The following MYRIP variants were observed in gnomAD, a reference collection of about 807,000 sequenced individuals.
MYRIP encodes rab effector MyRIP.
A neutral mutation model predicts 98.0 loss-of-function variants in MYRIP; 49 were observed. That is an observed-to-expected ratio of 0.50 (90% CI 0.40 to 0.63). The LOEUF (loss-of-function observed/expected upper bound fraction) is 0.63. Ranked by LOEUF, MYRIP falls within the 30% of genes least tolerant of loss-of-function variation. The pLI is 0.00. For missense variants in MYRIP, 1,004 were observed against 1,058.2 expected, an observed-to-expected ratio of 0.95 and a Z score of 0.71; for synonymous variants, 404 against 409.5, an observed-to-expected ratio of 0.99 and a Z score of 0.16.
At position 39,855,189 on chromosome 3, in the gene MYRIP, G is replaced by A. The variant is rs75712368; in HGVS notation, c.-31+45273G>A. 3.1e-3 allele frequency among the ~76,000 whole-genome samples: 469 copies of A among 152,308 alleles called. 8 individuals are homozygous for A. In the East Asian group the frequency reaches 0.048, roughly 16 times the overall value. On this transcript the variant is annotated intron_variant, in intron 1 of 16. Coordinates refer to ENST00000302541, the MANE Select transcript of MYRIP (RefSeq NM_015460.4). ...CTGGTTAGCCAAGACGTTGCAGTTAGGGAAATTAGGTATTGTCTTCTTCCT... is the reference window on the plus strand; with the variant it reads ...CTGGTTAGCCAAGACGTTGCAGTTAAGGAAATTAGGTATTGTCTTCTTCCT...
chr3:40,033,282 C>T (rs1206090690), intron 2 of MYRIP, among the ~76,000 whole-genome samples: 1 of 150,700 alleles, frequency 6.6e-6, no homozygotes, highest in African/African-American at 2.4e-5. Flanking sequence ...GTCAAATTGT[C>T]CCTGTTTGCA....
chr3:39,965,049 T>C (rs550079523), intron 2 of MYRIP, among the ~76,000 whole-genome samples: 65 of 152,174 alleles, frequency 4.3e-4, no homozygotes, highest in African/African-American at 1.4e-3. Context: ...TAAGTAATAG[T>C]TTGATAAAGT....
At chr3:40,200,402 G>GA (rs1325072554) in intron 10 of MYRIP, among the ~76,000 whole-genome samples, 3 of 152,096 alleles carry the variant, frequency 2.0e-5, no homozygotes, top group Admixed American at 6.5e-5. Flanking sequence ...CTCTAGGGAG[G>GA]AAAAAAATGT....
rs143534748 is a variant in MYRIP at position 39,889,882 on chromosome 3, T to A, written c.-30-10905T>A. Among the ~76,000 whole-genome samples, 641 of 152,242 alleles carry A rather than the reference T, an allele frequency of 4.2e-3. 5 individuals carry two copies. The highest frequency in any genetic ancestry group is 0.015 in the African/African-American group (606 of 41,556). On this transcript the variant is annotated intron_variant, in intron 1 of 16. Coordinates refer to ENST00000302541, the MANE Select transcript of MYRIP (RefSeq NM_015460.4). ...TCTTTTATTACCTTTATGGTTTCAT[T>A]TTTTAGTCTTTGACACTATAACCAT...
At chr3:39,925,112 G>C (rs1366982405) in intron 2 of MYRIP, among the ~76,000 whole-genome samples, 1 of 151,324 alleles carries the variant, frequency 6.6e-6, no homozygotes, top group Non-Finnish European at 1.5e-5. Context: ...GATCAGAACT[G>C]AGATCATTTA....
intron 2 of MYRIP, among the ~76,000 whole-genome samples, chr3:39,925,779 C>T (rs1445470360): frequency 6.6e-6 from 1 of 152,072 alleles, no homozygotes; most frequent in African/African-American, 2.4e-5. Context: ...GTGAATAGTG[C>T]TGCAATGAAC....
chr3:40,149,088 A>G lies in MYRIP; in HGVS notation c.333-1960A>G, dbSNP rs376480779. Among the ~76,000 whole-genome samples, 33 of 152,320 alleles carry G rather than the reference A, an allele frequency of 2.2e-4. No individual in the cohort carries two copies. In the East Asian group the frequency reaches 2.3e-3, roughly 11 times the overall value. ...GTATTAGTCCATTTGTGTTGCTAGG[A>G]AGGAATACTTGGGGCAGGGTAATTT... On this transcript the variant is annotated intron_variant, in intron 3 of 16. Coordinates refer to ENST00000302541, the MANE Select transcript of MYRIP (RefSeq NM_015460.4).
chr3:39,817,241 C>G (rs182638454), intron 1 of MYRIP, among the ~76,000 whole-genome samples: 1 of 152,032 alleles, frequency 6.6e-6, no homozygotes, highest in Non-Finnish European at 1.5e-5. Flanking sequence ...TGGTAAGGAT[C>G]GAAAAAGAGA....
chr3:39,893,157 CTA>C (rs988817687), intron 1 of MYRIP, among the ~76,000 whole-genome samples: 1 of 152,100 alleles, frequency 6.6e-6, no homozygotes, highest in African/African-American at 2.4e-5. Flanking sequence ...TGAGGCTGAA[CTA>C]TATGTTTTTA....
At chr3:40,228,101 C>T (rs1470829944) in intron 11 of MYRIP, among the ~76,000 whole-genome samples, 1 of 152,140 alleles carries the variant, frequency 6.6e-6, no homozygotes, top group East Asian at 1.9e-4. Flanking sequence ...TATTCATGAA[C>T]AGCCCTCTTG....
At chr3:39,831,595 G>A (rs1251822366) in intron 1 of MYRIP, among the ~76,000 whole-genome samples, 1 of 151,590 alleles carries the variant, frequency 6.6e-6, no homozygotes, top group Non-Finnish European at 1.5e-5. Context: ...TTTCAATCAT[G>A]GCACATGTCA....
intron 2 of MYRIP, among the ~76,000 whole-genome samples, chr3:40,030,179 C>T (rs1247772600): frequency 1.3e-5 from 2 of 151,498 alleles, no homozygotes; most frequent in Non-Finnish European, 2.9e-5. Flanking sequence ...GGAAATGGGC[C>T]AAAAATTTGA....
intron 1 of MYRIP, among the ~76,000 whole-genome samples, chr3:39,871,230 C>G (rs1384652230): frequency 6.6e-6 from 1 of 152,158 alleles, no homozygotes; most frequent in African/African-American, 2.4e-5. Context: ...GAATATGGCC[C>G]AATTAAGTTA....
intron 2 of MYRIP, among the ~76,000 whole-genome samples, chr3:39,904,728 G>A (rs1303542138): frequency 1.3e-5 from 2 of 152,124 alleles, no homozygotes; most frequent in Non-Finnish European, 2.9e-5. Flanking sequence ...GTGAGCAGAG[G>A]CACATCGTGG....
intron 10 of MYRIP, among the ~76,000 whole-genome samples, chr3:40,201,143 T>A (rs1951550299): frequency 6.6e-6 from 1 of 152,156 alleles, no homozygotes; most frequent in African/African-American, 2.4e-5. Context: ...TTCAAAAAAA[T>A]TGCAAACTCA....
At chr3:40,003,683 G>A (rs1192411928) in intron 2 of MYRIP, among the ~76,000 whole-genome samples, 3 of 152,142 alleles carry the variant, frequency 2.0e-5, no homozygotes, top group Non-Finnish European at 2.9e-5. Flanking sequence ...TTCTCCTCAA[G>A]TCTTTCGGCA....
intron 3 of MYRIP, among the ~76,000 whole-genome samples, chr3:40,150,704 C>T (rs1212121104): frequency 1.3e-5 from 2 of 152,118 alleles, no homozygotes; most frequent in African/African-American, 2.4e-5. Context: ...AACTAGTGGC[C>T]GATGGCTTCT....
At chr3:40,209,779 A>G (rs986982658) in intron 10 of MYRIP, 75 bp from the exon 11 acceptor site, 11 of 1,579,052 alleles carry the variant, frequency 7.0e-6, no homozygotes, top group Admixed American at 1.8e-5. Context: ...TCCTTTACTC[A>G]GGGGTTATTG....
chr3:39,810,103 G>C (rs1299419586), intron 1 of MYRIP, among the ~76,000 whole-genome samples, 187 bp downstream of exon 1: 2 of 152,218 alleles, frequency 1.3e-5, no homozygotes, highest in African/African-American at 2.4e-5. Flanking sequence ...GAGGGGCGAG[G>C]GGCGCGGGTA....
Sources: gnomAD v4.1 joint callset for allele counts (sites outside exome capture counted in the v4.1 genomes callset) on GRCh38, gnomAD v4.1.1 for gene constraint, MANE v1.5 for transcripts, NCBI Gene and HGNC (gene_info 2026-07-23, HGNC 2026-07-21) for gene names.